Variants in PICALM observed in about 807,000 individuals in gnomAD.
PICALM encodes phosphatidylinositol binding clathrin assembly protein, also known as phosphatidylinositol-binding clathrin assembly protein.
PICALM carries 40 observed loss-of-function variants against 80.5 expected under a neutral mutation model. That is an observed-to-expected ratio of 0.50 (90% CI 0.39 to 0.65). PICALM has a LOEUF of 0.65. Ranked by LOEUF, PICALM falls within the 30% of genes least tolerant of loss-of-function variation. The pLI, the probability that PICALM is intolerant of heterozygous loss-of-function variation, is 0.00. For missense variants in PICALM, 676 were observed against 778.9 expected (o/e 0.87, Z 1.57); for synonymous variants, 288 against 260.3 (o/e 1.11, Z -1.02).
intron 17 of PICALM, among the ~76,000 whole-genome samples, chr11:85,977,664 T>G (rs1382862557): frequency 6.6e-6 from 1 of 152,232 alleles, no homozygotes; most frequent in Non-Finnish European, 1.5e-5. Flanking sequence ...GGTCTCTCCC[T>G]ACTTAAAACC....
At chr11:86,042,863 C>T (rs2095999841) in intron 1 of PICALM, among the ~76,000 whole-genome samples, 1 of 152,126 alleles carries the variant, frequency 6.6e-6, no homozygotes, top group African/African-American at 2.4e-5. Context: ...AACTGAGAGG[C>T]TCTGCAAGTG....
At chr11:86,024,443 C>CT (rs11452201) in intron 3 of PICALM, among the ~76,000 whole-genome samples, 36,886 of 137,588 alleles carry the variant, frequency 0.27, 5,065 homozygotes, top group African/African-American at 0.31. Flanking sequence ...TTCCCCTGAT[C>CT]TTTTTTTTTT....
chr11:85,990,749 CTG>C (rs1456645778), intron 12 of PICALM, among the ~76,000 whole-genome samples: 3 of 152,122 alleles, frequency 2.0e-5, no homozygotes, highest in Non-Finnish European at 4.4e-5. Flanking sequence ...GGTGGTATAG[CTG>C]TGTTTACTTG....
upstream of PICALM, chr11:86,069,519 C>T (rs954397441): frequency 6.6e-6 from 1 of 152,390 alleles, no homozygotes; most frequent in Non-Finnish European, 1.5e-5. Context: ...GTGCAGCTGC[C>T]TTCACAGCTT....
chr11:86,029,979 T>C (rs2095719871), intron 2 of PICALM, among the ~76,000 whole-genome samples: 1 of 152,172 alleles, frequency 6.6e-6, no homozygotes, highest in Admixed American at 6.5e-5. Context: ...GGGGAAATCA[T>C]TTTTAAAAAT....
chr11:86,053,310 T>G (rs542858149), intron 1 of PICALM, among the ~76,000 whole-genome samples: 5 of 152,134 alleles, frequency 3.3e-5, no homozygotes, highest in African/African-American at 1.2e-4. Flanking sequence ...CTCAGACATG[T>G]CCAAATAAGG....
At chr11:85,994,143 T>A (rs1185817246) in intron 12 of PICALM, among the ~76,000 whole-genome samples, 2 of 152,186 alleles carry the variant, frequency 1.3e-5, no homozygotes, top group East Asian at 3.8e-4. Flanking sequence ...GCTTCAAATA[T>A]TCAACAGTGT....
intron 11 of PICALM, 140 bp downstream of exon 11, chr11:86,000,503 A>G: frequency 5.0e-6 from 3 of 602,714 alleles, no homozygotes; most frequent in Admixed American, 6.1e-5. Context: ...TATTATACCA[A>G]TATCACCATT....
intron 8 of PICALM, among the ~76,000 whole-genome samples, chr11:86,006,910 A>AT (rs992158419): frequency 2.8e-4 from 41 of 148,848 alleles, no homozygotes; most frequent in Admixed American, 4.7e-4. Flanking sequence ...TAATGCTCTA[A>AT]TTTTTTTTTT....
chr11:85,987,319 C>G (rs1175056267), intron 13 of PICALM, among the ~76,000 whole-genome samples: 1 of 152,062 alleles, frequency 6.6e-6, no homozygotes, highest in Non-Finnish European at 1.5e-5. Context: ...AGACTTGAAC[C>G]CCCATTTGTT....
chr11:85,959,469 C>T (rs1207991306), intron 19 of PICALM, among the ~76,000 whole-genome samples: 2 of 151,582 alleles, frequency 1.3e-5, no homozygotes, highest in African/African-American at 4.8e-5. Context: ...CCCGTCTCTA[C>T]TAAAAATACA....
At chr11:86,059,031 G>C (rs2096313388) in intron 1 of PICALM, among the ~76,000 whole-genome samples, 1 of 152,154 alleles carries the variant, frequency 6.6e-6, no homozygotes. Context: ...AACTAAATAA[G>C]CCTCTTAATG....
chr11:85,974,464 G>A (rs1419145241), intron 19 of PICALM: 1 of 611,930 alleles, frequency 1.6e-6, no homozygotes, highest in African/African-American at 1.8e-5. Flanking sequence ...ATCATCCTTT[G>A]GATCTACCAA....
At chr11:85,976,082 C>T (rs1340836638) in intron 18 of PICALM, among the ~76,000 whole-genome samples, 1 of 152,094 alleles carries the variant, frequency 6.6e-6, no homozygotes, top group Non-Finnish European at 1.5e-5. Flanking sequence ...TGGGTTGAAG[C>T]TACTAGCACC....
chr11:85,996,965 A>T lies in PICALM; in HGVS notation c.1155-36T>A, dbSNP rs140957915. The T allele has an allele frequency of 3.6e-3, 5,234 of 1,442,812 alleles. 37 individuals are homozygous for T. Among genetic ancestry groups the T allele is most frequent in the East Asian group, 0.012 (538 of 43,240 alleles). 89.4% of individuals were successfully genotyped at this position (1,442,812 alleles called of 1,614,324 possible). ...ATTTTGGAAACGTGTTTTATTTACC[A>T]GAAAAACTTTGCTACTTTAGTGTCA... On this transcript the variant is annotated intron_variant, in intron 11 of 19. Transcript: ENST00000393346.
intron 13 of PICALM, among the ~76,000 whole-genome samples, chr11:85,989,097 T>C (rs1340799384): frequency 6.6e-6 from 1 of 152,222 alleles, no homozygotes; most frequent in African/African-American, 2.4e-5. Context: ...GATAAATGTC[T>C]TCCCTCTGTC....
At chr11:85,980,551 T>C (rs570357803) in intron 17 of PICALM, among the ~76,000 whole-genome samples, 2 of 152,292 alleles carry the variant, frequency 1.3e-5, no homozygotes, top group South Asian at 4.1e-4. Context: ...GTATCAACTG[T>C]GTAAGTTATA....
intron 7 of PICALM, among the ~76,000 whole-genome samples, chr11:86,008,657 T>G (rs1390434893): frequency 1.3e-5 from 2 of 151,984 alleles, no homozygotes; most frequent in Non-Finnish European, 2.9e-5. Flanking sequence ...TCATTATTAC[T>G]CAGATGTTAC....
At chr11:85,976,139 A>G (rs2135582304) in intron 18 of PICALM, among the ~76,000 whole-genome samples, 1 of 152,324 alleles carries the variant, frequency 6.6e-6, no homozygotes, top group Non-Finnish European at 1.5e-5. Flanking sequence ...TGGGAAACTA[A>G]GGGCAATCTA....
Sources: gnomAD v4.1 joint callset for allele counts (sites outside exome capture counted in the v4.1 genomes callset) on GRCh38, gnomAD v4.1.1 for gene constraint, MANE v1.5 for transcripts, NCBI Gene and HGNC (gene_info 2026-07-23, HGNC 2026-07-21) for gene names.